The following LNX1 variants were observed in gnomAD, a reference collection of about 807,000 sequenced individuals.
The protein encoded by LNX1 is ligand of numb-protein X 1, also known as E3 ubiquitin-protein ligase LNX.
In LNX1, 54 loss-of-function variants were observed where a neutral mutation model predicts 68.4. That is an observed-to-expected ratio of 0.79 (90% CI 0.63 to 0.99). The LOEUF is 0.99. Ranked by LOEUF, LNX1 falls within the 50% of genes least tolerant of loss-of-function variation. LNX1 has a pLI of 0.00. For synonymous variants in LNX1, 336 were observed against 350.0 expected (o/e 0.96, Z 0.45); for missense variants, 906 against 926.4 (o/e 0.98, Z 0.29).
rs531448138 is a variant in LNX1, at chr4:53,550,044, C to CA, written c.380+23578dup. 3.8e-3 allele frequency among the ~76,000 whole-genome samples: 570 copies of CA among 151,818 alleles called. 3 individuals are homozygous for CA. The highest frequency in any genetic ancestry group is 6.8e-3 in the Middle Eastern group (2 of 294). ...GGAACTGGAGTGGCTTTACTGCTGG[C>CA]AAAAAAGAATTTGCTAATTCTCAAA... On this transcript the variant is annotated intron_variant, in intron 2 of 10. Transcript: ENST00000263925.
chr4:53,574,353 T>C (rs1272992946), intron 1 of LNX1, among the ~76,000 whole-genome samples: 1 of 152,168 alleles, frequency 6.6e-6, no homozygotes, highest in East Asian at 1.9e-4. Context: ...ATTTGGGTAA[T>C]ATCTGGGAAA....
intron 2 of LNX1, among the ~76,000 whole-genome samples, chr4:53,541,150 A>AGAG (rs1560654472): frequency 7.5e-5 from 10 of 133,484 alleles, no homozygotes; most frequent in African/African-American, 2.6e-5. Flanking sequence ...AAAAAAAGAA[A>AGAG]AAAAAAAAAG....
chr4:53,496,123 GC>G lies in LNX1; in HGVS notation c.1249del (p.Ala417HisfsTer14). On this transcript the variant is annotated frameshift_variant, in exon 6 of 11. Transcript: ENST00000263925. LOFTEE classifies it high-confidence loss of function. ...FIFNVLDGGVAYRHGQLEEND... is the reference protein window; with the variant it reads ...FIFNVLDGGVXYRHGQLEEND... ...CTCCTCAAGCTGACCATGTCGATAT[GC>G]CACACCGCCATCCAGCACATTGAAG... 6.2e-7 allele frequency: 1 copy of G among 1,614,140 alleles called. No homozygotes were observed. The highest frequency in any genetic ancestry group is 8.5e-7 in the Non-Finnish European group (1 of 1,180,024).
At chr4:53,522,627 G>A (rs1350965176) in intron 2 of LNX1, among the ~76,000 whole-genome samples, 1 of 152,180 alleles carries the variant, frequency 6.6e-6, no homozygotes, top group Non-Finnish European at 1.5e-5. Flanking sequence ...ATACAGGGTT[G>A]AAGACACAAC....
chr4:53,511,101 G>A lies in LNX1; in HGVS notation c.381-2874C>T, dbSNP rs531804868. ...TATCACAGCTGTTCTTACAACAGCT[G>A]GGGAGGGTGCAGATTCTTGATTTAA... On this transcript the variant is annotated intron_variant, in intron 2 of 10. Coordinates refer to ENST00000263925, the MANE Select transcript of LNX1 (RefSeq NM_001126328.3). Among the ~76,000 whole-genome samples the A allele has an allele frequency of 9.2e-5, 14 of 152,280 alleles. 1 individual carries two copies. The highest frequency in any genetic ancestry group is 6.2e-4 in the South Asian group (3 of 4,814).
chr4:53,571,462 C>G (rs1731163709), intron 2 of LNX1, among the ~76,000 whole-genome samples: 1 of 151,912 alleles, frequency 6.6e-6, no homozygotes, highest in Non-Finnish European at 1.5e-5. Context: ...CCAGAGAGAG[C>G]CTGGAAGATG....
chr4:53,638,713 G>A (rs1291184274), intron 1 of LNX1, among the ~76,000 whole-genome samples: 1 of 152,218 alleles, frequency 6.6e-6, no homozygotes, highest in Non-Finnish European at 1.5e-5. Context: ...TACAGAGGAA[G>A]TATCTATGTT....
chr4:53,572,780 AGTGTGGGTGTGTGTGT>A (rs932735540), intron 2 of LNX1, among the ~76,000 whole-genome samples: 13 of 152,272 alleles, frequency 8.5e-5, no homozygotes, highest in Non-Finnish European at 1.2e-4. Flanking sequence ...TTCTGCCACC[AGTGTGGGTGTGTGTGT>A]GTGTGGGTGT....
intron 2 of LNX1, among the ~76,000 whole-genome samples, chr4:53,615,840 C>A (rs148862051): frequency 2.0e-5 from 3 of 152,090 alleles, no homozygotes; most frequent in Non-Finnish European, 2.9e-5. Flanking sequence ...GCATGCAATG[C>A]GTAATAATCT....
At chr4:53,555,823 T>C (rs1434733908) in intron 2 of LNX1, among the ~76,000 whole-genome samples, 6 of 152,040 alleles carry the variant, frequency 3.9e-5, no homozygotes, top group South Asian at 2.1e-4. Flanking sequence ...CTTTTATAGA[T>C]TGCTTGTGTC....
At chr4:53,514,461 T>C (rs1726596281) in intron 2 of LNX1, among the ~76,000 whole-genome samples, 1 of 151,354 alleles carries the variant, frequency 6.6e-6, no homozygotes, top group Admixed American at 6.6e-5. Flanking sequence ...AGGAGCAAAG[T>C]GACGTCTCAT....
intron 2 of LNX1, among the ~76,000 whole-genome samples, chr4:53,555,107 G>A (rs1162914824): frequency 6.6e-6 from 1 of 152,136 alleles, no homozygotes; most frequent in Non-Finnish European, 1.5e-5. Flanking sequence ...GGTGGAGGAA[G>A]CCCAGCAGAT....
At chr4:53,627,882 G>T (rs1487250556) in intron 1 of LNX1, among the ~76,000 whole-genome samples, 1 of 152,192 alleles carries the variant, frequency 6.6e-6, no homozygotes, top group Non-Finnish European at 1.5e-5. Flanking sequence ...ATTTGAAGAT[G>T]AGGGTTTCAA....
intron 2 of LNX1, among the ~76,000 whole-genome samples, chr4:53,540,476 A>G (rs1262087429): frequency 6.6e-6 from 1 of 152,102 alleles, no homozygotes; most frequent in Non-Finnish European, 1.5e-5. Flanking sequence ...GTTAAAAATA[A>G]GTGTTATTAG....
intron 1 of LNX1, among the ~76,000 whole-genome samples, chr4:53,627,782 A>T (rs2109867946): frequency 6.6e-6 from 1 of 152,274 alleles, no homozygotes; most frequent in Non-Finnish European, 1.5e-5. Context: ...TATTGACTTT[A>T]CTGCTCCTAA....
At chr4:53,631,277 G>T (rs1004695780) in intron 1 of LNX1, among the ~76,000 whole-genome samples, 5 of 152,084 alleles carry the variant, frequency 3.3e-5, no homozygotes, top group African/African-American at 1.2e-4. Flanking sequence ...TTAATTCTGG[G>T]CTTAATTTCA....
In LNX1 at chr4:53,468,660, G is replaced by A. The variant is rs189297046; in HGVS notation, c.1893-7067C>T. Among the ~76,000 whole-genome samples the A allele has an allele frequency of 1.9e-3, 281 of 151,718 alleles. 1 individual carries two copies. The highest frequency in any genetic ancestry group is 6.5e-3 in the African/African-American group (271 of 41,426). On this transcript the variant is annotated intron_variant, in intron 9 of 10. Transcript: ENST00000263925. ...ATGGAAGAAGATCTACCAAGCAAAT[G>A]GAAAACAAAAAAAGACAGGGGTTGC...
intron 9 of LNX1, among the ~76,000 whole-genome samples, chr4:53,466,801 C>A (rs972613496): frequency 1.4e-4 from 22 of 152,228 alleles, no homozygotes; most frequent in Non-Finnish European, 2.8e-4. Flanking sequence ...CGCCATTGCC[C>A]AGGCTTGAGT....
At chr4:53,578,612 T>C (rs184088699) in intron 1 of LNX1, among the ~76,000 whole-genome samples, 4 of 152,350 alleles carry the variant, frequency 2.6e-5, no homozygotes, top group Non-Finnish European at 5.9e-5. Context: ...AAAAGATTCC[T>C]TGATTTCACT....
Sources: gnomAD v4.1 joint callset for allele counts (sites outside exome capture counted in the v4.1 genomes callset) on GRCh38, gnomAD v4.1.1 for gene constraint, MANE v1.5 for transcripts, NCBI Gene and HGNC (gene_info 2026-07-23, HGNC 2026-07-21) for gene names.